The following GNAQ variants were observed in gnomAD, a reference collection of about 807,000 sequenced individuals.
The protein encoded by GNAQ is G protein subunit alpha q.
GNAQ carries 8 observed loss-of-function variants against 43.9 expected under a neutral mutation model. The ratio of observed to expected loss-of-function variants is 0.18; its 90% CI spans 0.11 to 0.33. The LOEUF (loss-of-function observed/expected upper bound fraction) is 0.33, where lower values mean the gene tolerates loss of function less well. Among genes scored for constraint, GNAQ ranks in the 10% least tolerant of loss-of-function variants. GNAQ has a pLI of 1.00. For missense variants in GNAQ, 158 were observed against 450.8 expected (o/e 0.35, Z 5.88); for synonymous variants, 155 against 170.7 (o/e 0.91, Z 0.71).
At chr9:77,980,271 C>T (rs1420240423) in intron 1 of GNAQ, among the ~76,000 whole-genome samples, 2 of 152,176 alleles carry the variant, frequency 1.3e-5, no homozygotes, top group African/African-American at 2.4e-5. Flanking sequence ...TGCTCATAAA[C>T]CAGTGCTGAG....
chr9:77,765,245 T>C (rs1458450158), intron 5 of GNAQ, among the ~76,000 whole-genome samples: 2 of 152,138 alleles, frequency 1.3e-5, no homozygotes, highest in East Asian at 3.9e-4. Context: ...ATTATCAACA[T>C]ATGAGAATCT....
intron 1 of GNAQ, among the ~76,000 whole-genome samples, chr9:77,925,905 C>T (rs756143133): frequency 6.6e-6 from 1 of 152,082 alleles, no homozygotes; most frequent in Non-Finnish European, 1.5e-5. Context: ...TATACACATC[C>T]CCCAAATACT....
intron 5 of GNAQ, among the ~76,000 whole-genome samples, chr9:77,731,109 C>T (rs1429328226): frequency 3.3e-5 from 5 of 152,054 alleles, no homozygotes; most frequent in East Asian, 1.9e-4. Context: ...TGAGAAGGGG[C>T]GTGATGGGCT....
intron 2 of GNAQ, among the ~76,000 whole-genome samples, chr9:77,838,201 T>C (rs1319773293): frequency 2.1e-5 from 3 of 141,506 alleles, no homozygotes; most frequent in African/African-American, 8.1e-5. Context: ...TGGAGTGCAA[T>C]GGCGCAATCT....
intron 1 of GNAQ, among the ~76,000 whole-genome samples, chr9:78,000,149 T>C (rs1392243569): frequency 6.6e-6 from 1 of 152,218 alleles, no homozygotes; most frequent in African/African-American, 2.4e-5. Context: ...CATCTTAAAT[T>C]ACAAATGATA....
chr9:77,935,397 A>G (rs1187245584), intron 1 of GNAQ, among the ~76,000 whole-genome samples: 1 of 152,226 alleles, frequency 6.6e-6, no homozygotes. Flanking sequence ...TACGTCATAA[A>G]GAGATGCATT....
intron 5 of GNAQ, among the ~76,000 whole-genome samples, chr9:77,753,266 C>G (rs907481474): frequency 6.6e-6 from 1 of 152,114 alleles, no homozygotes; most frequent in African/African-American, 2.4e-5. Context: ...CACAAACACA[C>G]ATACACATGC....
intron 5 of GNAQ, among the ~76,000 whole-genome samples, chr9:77,748,035 A>G (rs1041621266): frequency 2.0e-5 from 3 of 152,154 alleles, no homozygotes; most frequent in Non-Finnish European, 4.4e-5. Flanking sequence ...GGTGGTCAGG[A>G]GAACTGAGTT....
chr9:77,871,635 T>A (rs1344590032), intron 2 of GNAQ, among the ~76,000 whole-genome samples: 1 of 152,192 alleles, frequency 6.6e-6, no homozygotes, highest in African/African-American at 2.4e-5. Context: ...AAATGCTGCC[T>A]CTTGGTGGCT....
chr9:77,807,320 T>C (rs116214287), intron 3 of GNAQ, among the ~76,000 whole-genome samples: 1,884 of 152,254 alleles, frequency 0.012, 38 homozygotes, highest in African/African-American at 0.042. Context: ...CATGTTCTAT[T>C]AGCCCTCTTA....
chr9:77,922,773 C>G (rs1439247411), intron 1 of GNAQ, among the ~76,000 whole-genome samples: 3 of 152,166 alleles, frequency 2.0e-5, no homozygotes, highest in Non-Finnish European at 4.4e-5. Flanking sequence ...TGTACTTACA[C>G]AAACGGTATT....
At chr9:77,792,575 G>A (rs1826593056) in intron 5 of GNAQ, among the ~76,000 whole-genome samples, 2 of 152,016 alleles carry the variant, frequency 1.3e-5, no homozygotes, top group South Asian at 2.1e-4. Flanking sequence ...GATTCAATTC[G>A]GTTGAACTGA....
At chr9:78,005,860 T>C (rs1028402431) in intron 1 of GNAQ, among the ~76,000 whole-genome samples, 5 of 152,142 alleles carry the variant, frequency 3.3e-5, no homozygotes, top group Admixed American at 2.0e-4. Flanking sequence ...ATGGCTACAA[T>C]GTATTACAAG....
intron 2 of GNAQ, among the ~76,000 whole-genome samples, chr9:77,826,020 C>A (rs926943175): frequency 6.6e-6 from 1 of 152,124 alleles, no homozygotes; most frequent in African/African-American, 2.4e-5. Context: ...ACCCCAAAAA[C>A]AGATGTCCTA....
chr9:77,786,510 G>A (rs538789437), intron 5 of GNAQ, among the ~76,000 whole-genome samples: 8 of 152,248 alleles, frequency 5.3e-5, no homozygotes, highest in East Asian at 3.9e-4. Context: ...ATTTTCCCAC[G>A]GAGATATTTG....
At chr9:77,725,068 G>A (rs912288576) in intron 6 of GNAQ, among the ~76,000 whole-genome samples, 12 of 152,116 alleles carry the variant, frequency 7.9e-5, no homozygotes, top group African/African-American at 2.9e-4. Context: ...ATTTGGGAAG[G>A]AAGGGACTAT....
chr9:77,897,194 T>C (rs551166223), intron 2 of GNAQ, among the ~76,000 whole-genome samples: 2 of 152,378 alleles, frequency 1.3e-5, no homozygotes, highest in East Asian at 3.9e-4. Flanking sequence ...CAGACGACTA[T>C]GATGCCGGGG....
chr9:78,002,638 T>A (rs1298496795), intron 1 of GNAQ, among the ~76,000 whole-genome samples: 1 of 152,156 alleles, frequency 6.6e-6, no homozygotes, highest in Admixed American at 6.5e-5. Context: ...TGACCCACAA[T>A]CTTACCCGCA....
chr9:77,939,937 G>A (rs956377435), intron 1 of GNAQ, among the ~76,000 whole-genome samples: 2 of 152,074 alleles, frequency 1.3e-5, no homozygotes, highest in South Asian at 2.1e-4. Context: ...TTATGTACTC[G>A]CTGATGTCCT....
Sources: gnomAD v4.1 joint callset for allele counts (sites outside exome capture counted in the v4.1 genomes callset) on GRCh38, gnomAD v4.1.1 for gene constraint, MANE v1.5 for transcripts, NCBI Gene and HGNC (gene_info 2026-07-23, HGNC 2026-07-21) for gene names.